Variants in CTBP2 observed in about 807,000 individuals in gnomAD.
The protein encoded by CTBP2 is C-terminal-binding protein 2.
CTBP2 carries 30 observed loss-of-function variants against 80.3 expected under a neutral mutation model. That is an observed-to-expected ratio of 0.37 (90% CI 0.28 to 0.51). CTBP2 has a LOEUF of 0.51. Ranked by LOEUF, CTBP2 falls within the 20% of genes least tolerant of loss-of-function variation. CTBP2 has a pLI of 0.93. For synonymous variants in CTBP2, 594 were observed against 587.4 expected, an observed-to-expected ratio of 1.01 and a Z score of -0.16; for missense variants, 1,212 against 1,375.3, an observed-to-expected ratio of 0.88 and a Z score of 1.88.
intron 1 of CTBP2, 134 bp from the exon 2 acceptor site, chr10:125,111,227 T>C (rs1852249393): frequency 6.6e-6 from 1 of 152,234 alleles, no homozygotes; most frequent in Non-Finnish European, 1.5e-5. Context: ...AATGGTTTCA[T>C]TAAAAATACT....
chr10:125,116,433 T>G (rs1007548792), intron 1 of CTBP2, among the ~76,000 whole-genome samples: 1 of 151,814 alleles, frequency 6.6e-6, no homozygotes, highest in South Asian at 2.1e-4. Context: ...GTCCCACCCT[T>G]CTCCCCACAC....
chr10:125,061,850 G>C (rs572434573), intron 2 of CTBP2, among the ~76,000 whole-genome samples: 100 of 152,252 alleles, frequency 6.6e-4, no homozygotes, highest in East Asian at 5.8e-4. Context: ...ACGGCATCCT[G>C]GACACTGTTC....
intron 3 of CTBP2, among the ~76,000 whole-genome samples, chr10:125,002,103 C>A (rs1954600414): frequency 6.6e-6 from 1 of 152,210 alleles, no homozygotes; most frequent in African/African-American, 2.4e-5. Flanking sequence ...CAAGGCCAGG[C>A]TGCTGCCTTG....
chr10:125,072,634 GAAAA>G (rs55742060), intron 2 of CTBP2, among the ~76,000 whole-genome samples: 9,433 of 100,310 alleles, frequency 0.094, 359 homozygotes, highest in Middle Eastern at 0.2. Flanking sequence ...AAAAAGAAAA[GAAAA>G]AAAAAAAAAA....
chr10:125,104,012 G>A lies in CTBP2; in HGVS notation c.-102+6978C>T, dbSNP rs187350843. The stretch of plus-strand genomic sequence containing the variant: ...GAGTTAAACAACGTATAGCTGAACC[G>A]GAAGAGGGAAGGTGACCACGGGAAA... On this transcript the variant is annotated intron_variant, in intron 2 of 10. Transcript: ENST00000337195. Among the ~76,000 whole-genome samples the A allele has an allele frequency of 1.6e-4, 24 of 152,298 alleles. No individual in the cohort carries two copies. The East Asian group carries it at 2.7e-3, about 17-fold the overall frequency.
upstream of CTBP2, among the ~76,000 whole-genome samples, chr10:125,030,694 G>T (rs11245472): frequency 7.2e-5 from 11 of 152,224 alleles, no homozygotes; most frequent in East Asian, 1.7e-3. Context: ...AGTAACATGA[G>T]GGCCATTTGG....
At chr10:125,072,490 C>T (rs1012581416) in intron 2 of CTBP2, among the ~76,000 whole-genome samples, 2 of 151,896 alleles carry the variant, frequency 1.3e-5, no homozygotes, top group African/African-American at 4.8e-5. Context: ...ATGGCAGGCG[C>T]CTGTAATCCC....
intron 2 of CTBP2, among the ~76,000 whole-genome samples, chr10:125,047,509 G>A (rs1445393104): frequency 1.3e-5 from 2 of 152,126 alleles, no homozygotes; most frequent in Non-Finnish European, 2.9e-5. Context: ...TACATCTGCT[G>A]TGTCCAGCAT....
At position 125,027,730 on chromosome 10, in the gene CTBP2, A is replaced by G. The variant is rs762195390; in HGVS notation, c.30T>C (p.Ile10=). 1 of 1,605,744 alleles carries G rather than the reference A, an allele frequency of 6.2e-7. No homozygotes were observed. Among genetic ancestry groups the G allele is most frequent in the South Asian group, 1.1e-5 (1 of 90,724 alleles). Reference sequence around the variant, plus strand: ...CAGCATCCCAGCTCTGAGAACGACCAATATTTATATGCCTGCTGGGAACTG... The same window carrying G: ...CAGCATCCCAGCTCTGAGAACGACCGATATTTATATGCCTGCTGGGAACTG... Residue 10 remains isoleucine (I), a synonymous_variant, in exon 1 of 9, where the codon ATT becomes ATC. Transcript: ENST00000309035.
chr10:125,138,418 C>T (rs1857287211), intron 1 of CTBP2, among the ~76,000 whole-genome samples: 1 of 152,166 alleles, frequency 6.6e-6, no homozygotes, highest in African/African-American at 2.4e-5. Flanking sequence ...CTGTGTTTGA[C>T]TTGAAACACA....
Position 125,006,545 on chromosome 10 carries a change from C to T in CTBP2, c.1679-3053G>A, listed in dbSNP as rs975065865. 4.6e-5 allele frequency among the ~76,000 whole-genome samples: 7 copies of T among 152,246 alleles called. 1 individual carries two copies. The South Asian group carries it at 1.4e-3, about 31-fold the overall frequency. On this transcript the variant is annotated intron_variant, in intron 1 of 8. Coordinates refer to ENST00000309035, the MANE Select transcript of CTBP2 (RefSeq NM_022802.3). ...CCCTTGCCTAGCAGCCGCTGCCCTA[C>T]AGGCTTGCTGGAGCCTGGGGCAGAG...
At chr10:125,100,726 T>G (rs1303771308) in intron 2 of CTBP2, 2 of 152,178 alleles carry the variant, frequency 1.3e-5, no homozygotes, top group Non-Finnish European at 2.9e-5. Flanking sequence ...AGAGTTGTCC[T>G]TCTTCCCATT....
At chr10:125,091,540 A>G (rs1208963605) in intron 2 of CTBP2, among the ~76,000 whole-genome samples, 2 of 152,216 alleles carry the variant, frequency 1.3e-5, no homozygotes, top group African/African-American at 4.8e-5. Context: ...TGGGAGGCCA[A>G]GGCAGGAGGA....
rs1356911268 is a variant in CTBP2, at chr10:125,158,916, G to C, written c.-206+1403C>G. Among the ~76,000 whole-genome samples the C allele has an allele frequency of 3.9e-5, 6 of 152,108 alleles. No homozygotes were observed. In the East Asian group the frequency reaches 1.2e-3, roughly 30 times the overall value. On this transcript the variant is annotated intron_variant, in intron 1 of 10. Transcript: ENST00000337195. ...GAGCCACGGGAGGGAGTGTGTGCGC[G>C]CGTGTGTGTCTCGGCGCGGCCCGCG...
In CTBP2 at chr10:124,992,752, G is replaced by A. The variant is rs80242128; in HGVS notation, c.2720C>T (p.Pro907Leu). The change falls in exon 8 of 9, where the codon CCT (proline) becomes CTT (leucine). Residue 907 changes from proline (P) to leucine (L), a missense_variant. This residue lies in a region of CTBP2 where 335 missense variants were observed against 504.7 expected (regional missense o/e 0.66). Transcript: ENST00000309035. ...TGCTTGCTGGTCTATTACTGACCAA[G>A]GCGCTGATGTGACAAAGAATTCCTT... The A allele has an allele frequency of 6.2e-7, 1 of 1,609,968 alleles. No individual in the cohort carries two copies. The highest frequency in any genetic ancestry group is 2.2e-5 in the East Asian group (1 of 44,826).
intron 2 of CTBP2, among the ~76,000 whole-genome samples, chr10:125,073,030 AG>A (rs973963751): frequency 6.6e-6 from 1 of 152,226 alleles, no homozygotes; most frequent in Non-Finnish European, 1.5e-5. Context: ...CCAGAGCCCA[AG>A]AACACAGTGT....
At chr10:125,156,211 CTGTA>C (rs1428248127) in intron 1 of CTBP2, among the ~76,000 whole-genome samples, 10 of 152,298 alleles carry the variant, frequency 6.6e-5, no homozygotes, top group South Asian at 4.1e-4. Flanking sequence ...CAACCATGTG[CTGTA>C]TGAATATATA....
Position 124,985,000 on chromosome 10 carries a change from A to AAT in CTBP2, c.*4516_*4517dup, listed in dbSNP as rs1467384534. On this transcript the variant is annotated 3_prime_UTR_variant, in exon 9 of 9. Coordinates refer to ENST00000309035, the MANE Select transcript of CTBP2 (RefSeq NM_022802.3). Reference sequence around the variant, plus strand: ...GATGATGAAGATGAATGAAAAAAAAAATCAAACAGCAGAAGACCAAGGCAT... The same window carrying AAT: ...GATGATGAAGATGAATGAAAAAAAAAATATCAAACAGCAGAAGACCAAGGCAT... 3.1e-6 allele frequency: 5 copies of AAT among 1,598,800 alleles called. No individual in the cohort carries two copies. In the Admixed American group the frequency reaches 8.5e-5, roughly 27 times the overall value.
intron 2 of CTBP2, among the ~76,000 whole-genome samples, chr10:125,080,390 T>G (rs1033092336): frequency 6.6e-5 from 10 of 152,110 alleles, no homozygotes; most frequent in African/African-American, 2.4e-4. Flanking sequence ...GCAGGTGGGC[T>G]AAGTGAGGGG....
Sources: gnomAD v4.1 joint callset for allele counts (sites outside exome capture counted in the v4.1 genomes callset) on GRCh38, gnomAD v4.1.1 for gene constraint, gnomAD v4.1.1 regional missense constraint, MANE v1.5 for transcripts, NCBI Gene and HGNC (gene_info 2026-07-23, HGNC 2026-07-21) for gene names.